Variants in COL18A1 observed in about 807,000 individuals in gnomAD.
COL18A1 encodes the protein collagen alpha-1(XVIII) chain.
COL18A1 carries 133 observed loss-of-function variants against 168.0 expected under a neutral mutation model. That is an observed-to-expected ratio of 0.79 (90% confidence interval 0.69 to 0.91). The LOEUF is 0.91. Ranked by LOEUF, COL18A1 falls within the 40% of genes least tolerant of loss-of-function variation. The pLI is 0.00. For missense variants in COL18A1, 2,126 were observed against 1,925.4 expected (o/e 1.10, Z -1.95); for synonymous variants, 949 against 809.0 (o/e 1.17, Z -2.94).
Position 45,468,295 on chromosome 21 carries a change from C to A in COL18A1, c.160C>A (p.Gln54Lys). The change falls in exon 3 of 42, where the codon CAG becomes AAG. Residue 54 changes from glutamine to lysine, a missense_variant. Physicochemically the swap from Gln to Lys is moderately conservative, Grantham distance 53. Coordinates refer to ENST00000651438, the MANE Select transcript of COL18A1 (RefSeq NM_001379500.1). ...LLQLLGDPPP[Q>K]QVTQTDDPDV... is the part of the protein sequence containing the mutation. ...GCAGCTCCTTGGGGACCCCCCGCCC[C>A]AGCAGGTCACCCAGACGGATGACCC... is the stretch of plus-strand genomic sequence containing the variant. 6.2e-7 allele frequency: 1 copy of A among 1,613,324 alleles called. No individual in the cohort carries two copies. The highest frequency in any genetic ancestry group is 1.1e-5 in the South Asian group (1 of 91,086).
intron 32 of COL18A1, chr21:45,497,903 C>T (rs113562937): frequency 4.9e-6 from 3 of 612,444 alleles, no homozygotes; most frequent in African/African-American, 3.7e-5. Context: ...TCCTGAGGAG[C>T]AGATGGCTGC....
chr21:45,510,470 G>C (rs2838953), intron 40 of COL18A1, among the ~76,000 whole-genome samples: 91,950 of 152,032 alleles, frequency 0.6, 28,499 homozygotes, highest in African/African-American at 0.75. Context: ...GCACTGCCAC[G>C]TCCCCCAGGG....
chr21:45,438,193 C>T (rs1282556436), intron 2 of COL18A1, among the ~76,000 whole-genome samples: 1 of 128,552 alleles, frequency 7.8e-6, no homozygotes, highest in Non-Finnish European at 1.6e-5. Flanking sequence ...CTCAGACACA[C>T]AGGCACTCTC....
intron 2 of COL18A1, among the ~76,000 whole-genome samples, chr21:45,419,171 G>C (rs1284608052): frequency 6.6e-6 from 1 of 152,234 alleles, no homozygotes; most frequent in African/African-American, 2.4e-5. Flanking sequence ...GCAATTCCAT[G>C]TAGTGACGTG....
At chr21:45,484,197 A>G (rs1280457208) in intron 15 of COL18A1, among the ~76,000 whole-genome samples, 6 of 142,686 alleles carry the variant, frequency 4.2e-5, no homozygotes, top group East Asian at 2.2e-4. Context: ...GCATATGTGC[A>G]CACACACATA....
rs192931460 is a variant in COL18A1 at position 45,498,709 on chromosome 21, G to A, written c.2683+1048G>A. On this transcript the variant is annotated intron_variant, in intron 32 of 41. Transcript: ENST00000651438. The surrounding 1 kb of genome is among the most constrained non-coding windows in gnomAD (Gnocchi z 4.5). ...CAGCGTCACACACGACGCCCAGGAAGGAGTGAATGATGCACAGATGACCAG... is the reference window on the plus strand; with the variant it reads ...CAGCGTCACACACGACGCCCAGGAAAGAGTGAATGATGCACAGATGACCAG... The A allele has an allele frequency of 7.6e-4, 487 of 638,570 alleles. 1 individual carries two copies. Among genetic ancestry groups the A allele is most frequent in the African/African-American group, 6.9e-3 (381 of 55,342 alleles). The allele number at this position is 638,570 out of a possible 1,614,324, so 39.6% of individuals were successfully genotyped here.
rs901079525 is a variant in COL18A1, at chr21:45,405,289, T to TGCGGGGGTC, written c.11+64_12-66dup. The stretch of plus-strand genomic sequence containing the variant: ...GGGTTGGGGGACGCCAAGATGCGGC[T>TGCGGGGGTC]GCGGGGGTCGCGGGGGTCGCGGGGC... On this transcript the variant is annotated intron_variant, in intron 1 of 41. Transcript: ENST00000651438. 142 of 714,202 alleles carry TGCGGGGGTC rather than the reference T, an allele frequency of 2.0e-4. No homozygotes were observed. The African/African-American group carries it at 2.7e-3, about 13-fold the overall frequency. The allele number at this position is 714,202 out of a possible 1,614,324, so 44.2% of individuals were successfully genotyped here.
At chr21:45,418,813 G>A (rs1443947795) in intron 2 of COL18A1, among the ~76,000 whole-genome samples, 2 of 129,532 alleles carry the variant, frequency 1.5e-5, no homozygotes, top group African/African-American at 6.0e-5. Context: ...CTCCCACCCC[G>A]ACCTCCTGTG....
chr21:45,489,944 C>CCA (rs2036248664), intron 19 of COL18A1, among the ~76,000 whole-genome samples: 1 of 67,430 alleles, frequency 1.5e-5, no homozygotes, highest in Non-Finnish European at 2.9e-5. Context: ...TCCCCCTCCC[C>CCA]CACTTCCCCC....
At chr21:45,506,261 C>T (rs2037196036) in intron 37 of COL18A1, 1 of 434,270 alleles carries the variant, frequency 2.3e-6, no homozygotes, top group Non-Finnish European at 4.3e-6. Flanking sequence ...CCTCACACAC[C>T]CGATAATAAG....
chr21:45,476,299 C>T, intron 5 of COL18A1, 52 bp from the exon 6 acceptor site: 3 of 1,612,302 alleles, frequency 1.9e-6, no homozygotes, highest in Middle Eastern at 1.7e-4. Flanking sequence ...AGCAAGTCTC[C>T]ACCGGGCATC....
intron 2 of COL18A1, among the ~76,000 whole-genome samples, chr21:45,413,150 C>A (rs1487688358): frequency 6.6e-6 from 1 of 152,226 alleles, no homozygotes; most frequent in South Asian, 2.1e-4. Context: ...AGGGCTCCAT[C>A]CCCACCCTTA....
rs8133886 is a variant in COL18A1 at position 45,456,666 on chromosome 21, C to G, written c.107-11576C>G. 4.8e-5 allele frequency: 74 copies of G among 1,533,516 alleles called. No individual in the cohort carries two copies. The East Asian group carries it at 6.1e-4, about 13-fold the overall frequency. 95.0% of individuals were successfully genotyped at this position (1,533,516 alleles called of 1,614,324 possible). A position where few individuals can be genotyped will look rare whatever the true frequency, so the allele number is the denominator to read the frequency against. ...CGGGCGTGGGGGGGCCTGCTGCAGA[C>G]GCACTGCCACCCCTTCCTCGCCTGG... On this transcript the variant is annotated intron_variant, in intron 2 of 41. Transcript: ENST00000651438.
At chr21:45,494,122 C>T (rs2036451906) in intron 26 of COL18A1, 1 of 353,550 alleles carries the variant, frequency 2.8e-6, no homozygotes, top group African/African-American at 2.1e-5. Flanking sequence ...GCAGTGAGCC[C>T]TCCGGGGTGT....
At position 45,493,201 on chromosome 21, in the gene COL18A1, C is replaced by A; in HGVS notation, c.2253C>A (p.Gly751=). 10 of 1,562,838 alleles carry A rather than the reference C, an allele frequency of 6.4e-6. No individual in the cohort carries two copies. The highest frequency in any genetic ancestry group is 8.7e-6 in the Non-Finnish European group (10 of 1,153,406). The change falls in exon 25 of 42, where the codon GGC becomes GGA. Residue 751 remains glycine (G), a synonymous_variant. Transcript: ENST00000651438. ...AGPKGNLGSK[G]ERGSPGPKGE... ...CCAAGGGCAACCTGGGCTCTAAGGG[C>A]GAACGAGGCTCCCCGGGACCCAAGG...
At chr21:45,511,274 A>G (rs2037592977) in intron 41 of COL18A1, 48 bp downstream of exon 41, 2 of 1,081,632 alleles carry the variant, frequency 1.8e-6, no homozygotes, top group Non-Finnish European at 2.8e-6. Flanking sequence ...CCAGCCAGGG[A>G]AGGCGGGCGG....
intron 2 of COL18A1, among the ~76,000 whole-genome samples, chr21:45,412,224 T>TG (rs1177935006): frequency 7.0e-6 from 1 of 142,244 alleles, no homozygotes; most frequent in Non-Finnish European, 1.5e-5. Flanking sequence ...TTTCTTTAAC[T>TG]GGGGGTATAT....
chr21:45,476,921 T>TTTTGTGTGTGTG (rs1483564460), intron 6 of COL18A1, among the ~76,000 whole-genome samples: 5 of 146,860 alleles, frequency 3.4e-5, no homozygotes, highest in African/African-American at 1.3e-4. Context: ...ATTATGTGTT[T>TTTTGTGTGTGTG]TGTGTGTGTG....
At chr21:45,421,207 C>T (rs2033612466) in intron 2 of COL18A1, 1 of 357,350 alleles carries the variant, frequency 2.8e-6, no homozygotes, top group Admixed American at 3.8e-5. Context: ...GGCCAGACGG[C>T]TTTGCCGCCC....
Sources: allele counts gnomAD v4.1 joint callset (sites outside exome capture counted in the v4.1 genomes callset), GRCh38; gene constraint gnomAD v4.1.1; non-coding constraint Gnocchi (gnomAD v3.1); transcripts MANE v1.5; gene names NCBI Gene and HGNC (gene_info 2026-07-23, HGNC 2026-07-21).